Variants in SLC25A42 observed in about 807,000 individuals in gnomAD.
The protein encoded by SLC25A42 is solute carrier family 25 member 42.
SLC25A42 carries 19 observed loss-of-function variants against 34.7 expected under a neutral mutation model. The ratio of observed to expected loss-of-function variants is 0.55; its 90% CI spans 0.38 to 0.80. The LOEUF is 0.80. Ranked by LOEUF, SLC25A42 falls within the 30% of genes least tolerant of loss-of-function variation. The pLI, the probability that SLC25A42 is intolerant of heterozygous loss-of-function variation, is 0.00. For missense variants in SLC25A42, 364 were observed against 441.3 expected (o/e 0.82, Z 1.57); for synonymous variants, 205 against 191.2 (o/e 1.07, Z -0.59).
At chr19:19,064,704 C>T (rs966435820) in intron 1 of SLC25A42, among the ~76,000 whole-genome samples, 6 of 151,354 alleles carry the variant, frequency 4.0e-5, no homozygotes, top group Admixed American at 1.3e-4. Context: ...GGCAGCCCCA[C>T]ACCTCTGTCT....
chr19:19,089,040 T>C (rs2059723863), intron 1 of SLC25A42, among the ~76,000 whole-genome samples: 1 of 151,376 alleles, frequency 6.6e-6, no homozygotes, highest in South Asian at 2.1e-4. Context: ...ACTCCTGGCC[T>C]CAAGCGATCT....
chr19:19,105,707 C>T lies in SLC25A42; in HGVS notation c.360C>T (p.Ser120=). 1 of 1,595,700 alleles carries T rather than the reference C, an allele frequency of 6.3e-7. No individual in the cohort carries two copies. Among genetic ancestry groups the T allele is most frequent in the East Asian group, 2.3e-5 (1 of 44,038 alleles). Residue 120 remains serine (S), a synonymous_variant, in exon 5 of 8, where the codon AGC becomes AGT. Transcript: ENST00000318596. ...AHEEYKRILG[S]YYGFRGEALP... is the part of the protein sequence containing the mutation. ...AGGAGTACAAGCGCATCCTGGGCAGCTACTATGGCTTCCGTGGAGAGTGAG... is the reference window on the plus strand; with the variant it reads ...AGGAGTACAAGCGCATCCTGGGCAGTTACTATGGCTTCCGTGGAGAGTGAG...
chr19:19,098,918 T>C (rs2059779750), intron 2 of SLC25A42, among the ~76,000 whole-genome samples: 1 of 151,912 alleles, frequency 6.6e-6, no homozygotes, highest in Admixed American at 6.6e-5. Flanking sequence ...AGCAAGACTG[T>C]CTCAAAAAAC....
chr19:19,071,653 G>A (rs2059630614), intron 1 of SLC25A42, among the ~76,000 whole-genome samples: 2 of 152,192 alleles, frequency 1.3e-5, no homozygotes, highest in Non-Finnish European at 2.9e-5. Context: ...GAGCACCTGA[G>A]GTCAGGAGTT....
At chr19:19,102,101 C>T (rs577807673) in intron 3 of SLC25A42, among the ~76,000 whole-genome samples, 35 of 151,964 alleles carry the variant, frequency 2.3e-4, no homozygotes, top group Non-Finnish European at 4.9e-4. Context: ...CTCTGCCTCC[C>T]GGGTTCACGC....
chr19:19,065,018 A>G (rs952475655), intron 1 of SLC25A42, among the ~76,000 whole-genome samples: 23 of 152,204 alleles, frequency 1.5e-4, no homozygotes, highest in African/African-American at 5.1e-4. Flanking sequence ...GGCAGAGCCT[A>G]TTCTACCCTG....
chr19:19,075,270 G>A (rs1398994584), intron 1 of SLC25A42, among the ~76,000 whole-genome samples: 1 of 152,134 alleles, frequency 6.6e-6, no homozygotes, highest in Non-Finnish European at 1.5e-5. Context: ...ATGAGTTATC[G>A]AAGATCCCAT....
Position 19,109,964 on chromosome 19 carries a change from T to G in SLC25A42, c.650-605T>G, listed in dbSNP as rs1283268183. 6.6e-6 allele frequency among the ~76,000 whole-genome samples: 1 copy of G among 152,150 alleles called. No homozygotes were observed. Among genetic ancestry groups the G allele is most frequent in the African/African-American group, 2.4e-5 (1 of 41,444 alleles). ...GGCACGGGAGCACCTAGAATGTTCCTTTACTAGACGTGGAGTAGAGCTGAT... is the reference window on the plus strand; with the variant it reads ...GGCACGGGAGCACCTAGAATGTTCCGTTACTAGACGTGGAGTAGAGCTGAT... On this transcript the variant is annotated intron_variant, in intron 7 of 7. Transcript: ENST00000318596. The surrounding 1 kb of genome is among the most constrained non-coding windows in gnomAD (Gnocchi z 4.1).
rs946433813 is a variant in SLC25A42 at position 19,112,656 on chromosome 19, C to T, written c.*1780C>T. The T allele has an allele frequency of 6.5e-6, 1 of 152,704 alleles. No homozygotes were observed. The highest frequency in any genetic ancestry group is 1.5e-5 in the Non-Finnish European group (1 of 68,152). The allele number at this position is 152,704 out of a possible 1,614,324, so 9.5% of individuals were successfully genotyped here. On this transcript the variant is annotated 3_prime_UTR_variant, in exon 8 of 8. Transcript: ENST00000318596. This position sits in a 1 kb window ranked among gnomAD's most constrained non-coding sequence, Gnocchi z 4.3. ...CCCTGCTGACCCCAGTGTGTCTCCC[C>T]GGAGATGGCTCCTAGCTGAGTGGGA...
At chr19:19,085,767 T>G (rs559565328) in intron 1 of SLC25A42, among the ~76,000 whole-genome samples, 1 of 151,976 alleles carries the variant, frequency 6.6e-6, no homozygotes, top group East Asian at 1.9e-4. Context: ...AAGGAAGGCC[T>G]TTGCCTGAGC....
At chr19:19,065,210 C>T (rs1410746704) in intron 1 of SLC25A42, among the ~76,000 whole-genome samples, 2 of 151,998 alleles carry the variant, frequency 1.3e-5, no homozygotes, top group Admixed American at 6.6e-5. Context: ...GAGACGCTGC[C>T]GGAGGAGGGG....
chr19:19,084,036 A>G (rs1387987752), intron 1 of SLC25A42, among the ~76,000 whole-genome samples: 1 of 133,016 alleles, frequency 7.5e-6, no homozygotes, highest in African/African-American at 2.9e-5. Context: ...AGGCACCTCC[A>G]GGGCCCTGCA....
In SLC25A42 at chr19:19,110,890, GCT is replaced by G. The variant is rs1568527510; in HGVS notation, c.*18_*19del. The G allele has an allele frequency of 1.2e-6, 2 of 1,613,226 alleles. No homozygotes were observed. Among genetic ancestry groups the G allele is most frequent in the African/African-American group, 2.7e-5 (2 of 75,052 alleles). ...CTGCAGAGCTAGGGGACCCTGAGCT[GCT>G]CTCAGGACGGTGGACCGGTGACCCC... is the stretch of plus-strand genomic sequence containing the variant. On this transcript the variant is annotated 3_prime_UTR_variant, in exon 8 of 8. Coordinates refer to ENST00000318596, the MANE Select transcript of SLC25A42 (RefSeq NM_178526.5).
intron 1 of SLC25A42, among the ~76,000 whole-genome samples, chr19:19,090,609 C>A (rs2059733273): frequency 6.6e-6 from 1 of 152,032 alleles, no homozygotes; most frequent in Admixed American, 6.6e-5. Context: ...GGGAGGATCA[C>A]TTGAGTTCAA....
chr19:19,105,988 C>T, intron 5 of SLC25A42: 1 of 555,666 alleles, frequency 1.8e-6, no homozygotes. Flanking sequence ...ACGCATAAAT[C>T]CCAGAGGGGC....
intron 1 of SLC25A42, among the ~76,000 whole-genome samples, chr19:19,078,004 A>G (rs1008273499): frequency 1.3e-5 from 2 of 152,194 alleles, no homozygotes; most frequent in Non-Finnish European, 2.9e-5. Flanking sequence ...GGTGTGTTAC[A>G]TAGTGTCCCA....
At chr19:19,092,511 C>T (rs1047971098) in intron 1 of SLC25A42, among the ~76,000 whole-genome samples, 8 of 152,178 alleles carry the variant, frequency 5.3e-5, no homozygotes, top group African/African-American at 1.7e-4. Context: ...TCTGGTGGCT[C>T]TTCTTGTTCA....
intron 1 of SLC25A42, among the ~76,000 whole-genome samples, chr19:19,091,844 C>T (rs2059739775): frequency 1.3e-5 from 2 of 152,036 alleles, no homozygotes; most frequent in South Asian, 2.1e-4. Flanking sequence ...GCCACTGCAC[C>T]CAAGCCTGGG....
Position 19,110,966 on chromosome 19 carries a change from T to C in SLC25A42, c.*90T>C. 5 of 1,447,942 alleles carry C rather than the reference T, an allele frequency of 3.5e-6. No homozygotes were observed. The highest frequency in any genetic ancestry group is 4.7e-6 in the Non-Finnish European group (5 of 1,055,264). 89.7% of individuals were successfully genotyped at this position (1,447,942 alleles called of 1,614,324 possible). On this transcript the variant is annotated 3_prime_UTR_variant, in exon 8 of 8. Coordinates refer to ENST00000318596, the MANE Select transcript of SLC25A42 (RefSeq NM_178526.5). ...GGTGGGGGGGTGCGCTTGATTCTAC[T>C]TCAGGAGGCACATGGGGCGCTTTAT...
Sources: gnomAD v4.1 joint callset for allele counts (sites outside exome capture counted in the v4.1 genomes callset) on GRCh38, gnomAD v4.1.1 for gene constraint, Gnocchi (gnomAD v3.1) non-coding constraint, MANE v1.5 for transcripts, NCBI Gene and HGNC (gene_info 2026-07-23, HGNC 2026-07-21) for gene names.